LRRIQ1: variants seen among roughly 807,000 people sequenced by gnomAD.
The protein encoded by LRRIQ1 is leucine rich repeats and IQ motif containing 1.
Under a neutral mutation model 211.9 loss-of-function variants are expected in LRRIQ1, and 210 were observed. That is an observed-to-expected ratio of 0.99 (90% CI 0.89 to 1.11). The LOEUF is 1.11. Ranked by LOEUF, LRRIQ1 falls within the 50% of genes most tolerant of loss-of-function variation. LRRIQ1 has a pLI of 0.00. For missense variants in LRRIQ1, 2,136 were observed against 1,939.5 expected (o/e 1.10, Z -1.90); for synonymous variants, 699 against 650.1 (o/e 1.08, Z -1.14).
chr12:85,174,723 A>AAAAAAAAAAAAAAAAAAC (rs1891602304), intron 24 of LRRIQ1, among the ~76,000 whole-genome samples: 1 of 148,374 alleles, frequency 6.7e-6, no homozygotes, highest in African/African-American at 2.5e-5. Context: ...AAAAAAAAAA[A>AAAAAAAAAAAAAAAAAAC]TCTGAGATCC....
At chr12:85,224,295 G>T (rs1024353314) in intron 24 of LRRIQ1, among the ~76,000 whole-genome samples, 3 of 152,240 alleles carry the variant, frequency 2.0e-5, no homozygotes, top group Non-Finnish European at 2.9e-5. Flanking sequence ...TACACTGTTG[G>T]TGGGAGTGTA....
Position 85,147,491 on chromosome 12 carries a change from GC to G in LRRIQ1, c.4330-4786del, listed in dbSNP as rs923571144. Among the ~76,000 whole-genome samples, 20 of 151,812 alleles carry G rather than the reference GC, an allele frequency of 1.3e-4. 2 individuals are homozygous for G. Among genetic ancestry groups the G allele is most frequent in the African/African-American group, 4.8e-4 (20 of 41,468 alleles). On this transcript the variant is annotated intron_variant, in intron 19 of 26. Coordinates refer to ENST00000393217, the MANE Select transcript of LRRIQ1 (RefSeq NM_001079910.2). ...TGTGATTTGTTTTCCCTGTTTGAGG[GC>G]CCAAGTCATGGTGTCTTTGGCTTTT... is the stretch of plus-strand genomic sequence containing the variant.
intron 24 of LRRIQ1, among the ~76,000 whole-genome samples, chr12:85,206,667 C>A (rs562375887): frequency 6.6e-6 from 1 of 151,988 alleles, no homozygotes; most frequent in Admixed American, 6.5e-5. Flanking sequence ...GACTGTGACT[C>A]CAGGAGAATG....
At chr12:85,184,034 C>A (rs1892113579) in intron 24 of LRRIQ1, among the ~76,000 whole-genome samples, 1 of 151,962 alleles carries the variant, frequency 6.6e-6, no homozygotes, top group South Asian at 2.1e-4. Context: ...TTTCATTTGA[C>A]CACTTGGTGA....
At chr12:85,250,988 T>C (rs1364017137) in intron 1 of LRRIQ1, among the ~76,000 whole-genome samples, 11 of 121,824 alleles carry the variant, frequency 9.0e-5, no homozygotes, top group Admixed American at 5.5e-4. Flanking sequence ...ATAGATTATA[T>C]ATTATATTAT....
chr12:85,147,720 T>C (rs1368184100), intron 19 of LRRIQ1, among the ~76,000 whole-genome samples: 1 of 151,646 alleles, frequency 6.6e-6, no homozygotes, highest in African/African-American at 2.4e-5. Flanking sequence ...TTTTTTTTTT[T>C]TTTCATGAGA....
chr12:85,098,822 A>T, intron 12 of LRRIQ1, 45 bp from the exon 13 acceptor site: 1 of 1,377,672 alleles, frequency 7.3e-7, no homozygotes, highest in Non-Finnish European at 9.8e-7. Flanking sequence ...CTAAATGATA[A>T]AATATTTTGC....
At chr12:85,175,173 G>A (rs1450120325) in intron 24 of LRRIQ1, among the ~76,000 whole-genome samples, 1 of 152,090 alleles carries the variant, frequency 6.6e-6, no homozygotes, top group Non-Finnish European at 1.5e-5. Flanking sequence ...GAAAGCTACT[G>A]AGGGAACTGC....
chr12:85,148,357 G>A (rs1288283065), intron 19 of LRRIQ1, among the ~76,000 whole-genome samples: 1 of 151,686 alleles, frequency 6.6e-6, no homozygotes, highest in Non-Finnish European at 1.5e-5. Context: ...GTGTCCATAT[G>A]TTCTCATTGT....
At chr12:85,268,443 C>T (rs920902523), downstream of LRRIQ1, among the ~76,000 whole-genome samples, 1 of 151,876 alleles carries the variant, frequency 6.6e-6, no homozygotes, top group African/African-American at 2.4e-5. Context: ...TTTCCACCAC[C>T]AGGATCCCAA....
At chr12:85,092,967 C>A (rs943202395) in intron 11 of LRRIQ1, among the ~76,000 whole-genome samples, 26 of 152,096 alleles carry the variant, frequency 1.7e-4, no homozygotes, top group African/African-American at 5.3e-4. Flanking sequence ...GCACCATAAC[C>A]AGACAATTAG....
At chr12:85,224,598 G>A (rs1243923364) in intron 24 of LRRIQ1, among the ~76,000 whole-genome samples, 2 of 152,056 alleles carry the variant, frequency 1.3e-5, no homozygotes, top group African/African-American at 4.8e-5. Context: ...CATGGATGAA[G>A]CTGGAAACCA....
At chr12:85,150,530 A>ATT (rs2136655935) in intron 19 of LRRIQ1, among the ~76,000 whole-genome samples, 1 of 151,890 alleles carries the variant, frequency 6.6e-6, no homozygotes, top group African/African-American at 2.4e-5. Flanking sequence ...TACTAGCCTG[A>ATT]TTTAACAAGC....
At chr12:85,219,558 T>G (rs1283278001) in intron 24 of LRRIQ1, among the ~76,000 whole-genome samples, 1 of 152,244 alleles carries the variant, frequency 6.6e-6, no homozygotes, top group East Asian at 1.9e-4. Context: ...AATTCAAATG[T>G]CAGAAACTAG....
At chr12:85,187,826 A>G (rs1565891250) in intron 24 of LRRIQ1, among the ~76,000 whole-genome samples, 1 of 151,366 alleles carries the variant, frequency 6.6e-6, no homozygotes, top group Admixed American at 6.6e-5. Flanking sequence ...AAAAAAAAAA[A>G]GAAAGAAAAT....
chr12:85,121,838 A>C lies in LRRIQ1; in HGVS notation c.3519A>C (p.Glu1173Asp). ...CACTTTGTCAGTCTCAGATTCGAGA[A>C]TTCAACTTGCTAATTGAAAATTATA... ...FLALCQSQIR[E>D]FNLLIENYIT... The change falls in exon 16 of 27, where the codon GAA (glutamate) becomes GAC (aspartate). Residue 1173 changes from glutamate (E) to aspartate (D), a missense_variant. By Grantham distance (45) the Glu-to-Asp change is conservative. Transcript: ENST00000393217. 1 of 1,607,844 alleles carries C rather than the reference A, an allele frequency of 6.2e-7. No individual in the cohort carries two copies. Among genetic ancestry groups the C allele is most frequent in the Middle Eastern group, 1.7e-4 (1 of 6,038 alleles).
intron 13 of LRRIQ1, among the ~76,000 whole-genome samples, chr12:85,102,739 A>G (rs572065028): frequency 6.6e-5 from 10 of 151,334 alleles, no homozygotes; most frequent in African/African-American, 1.7e-4. Flanking sequence ...GGTGTTTTCT[A>G]TGGCAGTGAG....
intron 18 of LRRIQ1, among the ~76,000 whole-genome samples, chr12:85,135,883 T>C (rs978414988): frequency 6.6e-6 from 1 of 151,928 alleles, no homozygotes; most frequent in Non-Finnish European, 1.5e-5. Context: ...AAATGACATA[T>C]AGAGCACCCC....
chr12:85,268,341 A>G (rs1213347732), downstream of LRRIQ1, among the ~76,000 whole-genome samples: 4 of 152,060 alleles, frequency 2.6e-5, no homozygotes, highest in East Asian at 5.8e-4. Context: ...TCACATGGCA[A>G]GTACAAGACG....
Sources: gnomAD v4.1 joint callset for allele counts (sites outside exome capture counted in the v4.1 genomes callset) on GRCh38, gnomAD v4.1.1 for gene constraint, MANE v1.5 for transcripts, NCBI Gene and HGNC (gene_info 2026-07-23, HGNC 2026-07-21) for gene names.